The following CTNNA2 variants were observed in gnomAD, a reference collection of about 807,000 sequenced individuals.
The protein encoded by CTNNA2 is catenin alpha 2.
A neutral mutation model predicts 101.0 loss-of-function variants in CTNNA2; 42 were observed. That is an observed-to-expected ratio of 0.42 (90% confidence interval 0.32 to 0.54). CTNNA2 has a LOEUF of 0.54. CTNNA2 is among the 20% of genes least tolerant of loss of function. The pLI, the probability that CTNNA2 is intolerant of heterozygous loss-of-function variation, is 0.14. For missense variants in CTNNA2, 871 were observed against 1,223.1 expected (o/e 0.71, Z 4.29); for synonymous variants, 450 against 456.4 (o/e 0.99, Z 0.18).
chr2:80,326,146 G>C (rs946123741), intron 7 of CTNNA2, among the ~76,000 whole-genome samples: 4 of 152,176 alleles, frequency 2.6e-5, no homozygotes, highest in African/African-American at 9.7e-5. Context: ...CATTTGAAAG[G>C]GAATAAAGCA....
At chr2:79,496,291 T>A (rs1210059655) in intron 4 of CTNNA2, among the ~76,000 whole-genome samples, 1 of 152,194 alleles carries the variant, frequency 6.6e-6, no homozygotes, top group African/African-American at 2.4e-5. Context: ...ATTCTAACTT[T>A]TTAAATTAGT....
intron 7 of CTNNA2, among the ~76,000 whole-genome samples, chr2:80,323,993 C>T (rs1023498004): frequency 5.9e-5 from 9 of 152,224 alleles, no homozygotes; most frequent in Admixed American, 5.9e-4. Flanking sequence ...TTAAAGATTG[C>T]CCTTCAGTCA....
At chr2:79,609,480 G>A (rs1678124682) in intron 1 of CTNNA2, among the ~76,000 whole-genome samples, 1 of 151,936 alleles carries the variant, frequency 6.6e-6, no homozygotes, top group African/African-American at 2.4e-5. Flanking sequence ...CCAAGGATCC[G>A]GGAATGCAAA....
chr2:80,404,566 G>A (rs896758638), intron 8 of CTNNA2, among the ~76,000 whole-genome samples: 1 of 152,166 alleles, frequency 6.6e-6, no homozygotes, highest in African/African-American at 2.4e-5. Context: ...GAGGAGATGG[G>A]TAGGAGTTGG....
intron 4 of CTNNA2, among the ~76,000 whole-genome samples, chr2:79,869,174 A>G (rs997791420): frequency 6.6e-6 from 1 of 152,220 alleles, no homozygotes; most frequent in Admixed American, 6.5e-5. Context: ...AGCATGGCAC[A>G]TTGGTAGGGC....
At chr2:80,265,126 C>G (rs867074128) in intron 7 of CTNNA2, among the ~76,000 whole-genome samples, 2 of 152,046 alleles carry the variant, frequency 1.3e-5, no homozygotes, top group African/African-American at 2.4e-5. Flanking sequence ...AGGCGCCCAC[C>G]ACCACACCCA....
chr2:80,320,627 G>A (rs973215781), intron 7 of CTNNA2, among the ~76,000 whole-genome samples: 1 of 150,392 alleles, frequency 6.6e-6, no homozygotes, highest in Non-Finnish European at 1.5e-5. Context: ...TACTTGATTA[G>A]ACTTAGACTT....
chr2:79,520,867 A>G (rs989206927), intron 1 of CTNNA2, among the ~76,000 whole-genome samples: 1 of 152,024 alleles, frequency 6.6e-6, no homozygotes, highest in South Asian at 2.1e-4. Flanking sequence ...ATACTCATAC[A>G]TTGCTGGTGG....
chr2:80,240,603 C>T (rs563668362), intron 7 of CTNNA2, among the ~76,000 whole-genome samples: 10 of 152,078 alleles, frequency 6.6e-5, no homozygotes, highest in Non-Finnish European at 8.8e-5. Flanking sequence ...TTTCTCTTTC[C>T]TTCCCACACA....
intron 9 of CTNNA2, among the ~76,000 whole-genome samples, chr2:80,430,966 C>T (rs775747150): frequency 2.6e-5 from 4 of 151,988 alleles, no homozygotes; most frequent in Admixed American, 2.0e-4. Context: ...AGATCAGACA[C>T]CTTCAATGCA....
At chr2:80,482,344 C>T (rs74850811) in intron 9 of CTNNA2, among the ~76,000 whole-genome samples, 1 of 152,180 alleles carries the variant, frequency 6.6e-6, no homozygotes, top group East Asian at 1.9e-4. Flanking sequence ...TACAGGAGTA[C>T]AGTTCCTGGT....
chr2:80,377,700 T>C (rs2149343489), intron 7 of CTNNA2, among the ~76,000 whole-genome samples: 1 of 152,286 alleles, frequency 6.6e-6, no homozygotes, highest in Non-Finnish European at 1.5e-5. Context: ...CCACCCTAAG[T>C]CTTAGTGTCA....
intron 1 of CTNNA2, among the ~76,000 whole-genome samples, chr2:79,544,385 C>T (rs544117067): frequency 2.6e-5 from 4 of 152,214 alleles, no homozygotes; most frequent in South Asian, 2.1e-4. Context: ...ATGAACATGG[C>T]TTTCTTTTCT....
intron 7 of CTNNA2, among the ~76,000 whole-genome samples, chr2:80,241,911 C>CT (rs1670974436): frequency 6.6e-6 from 1 of 152,054 alleles, no homozygotes; most frequent in African/African-American, 2.4e-5. Context: ...CTCAAGACTC[C>CT]TTTTTTTCCA....
chr2:79,351,506 G>C, intron 3 of CTNNA2, among the ~76,000 whole-genome samples: 1 of 152,132 alleles, frequency 6.6e-6, no homozygotes, highest in East Asian at 1.9e-4. Flanking sequence ...ATGATGCTGA[G>C]ATTAGGAGTA....
At chr2:80,395,659 T>C (rs1677945145) in intron 8 of CTNNA2, among the ~76,000 whole-genome samples, 1 of 152,220 alleles carries the variant, frequency 6.6e-6, no homozygotes, top group South Asian at 2.1e-4. Flanking sequence ...TACCTGGGTC[T>C]CTGATAGCCC....
chr2:79,870,086 C>G, intron 5 of CTNNA2, 151 bp downstream of exon 5: 1 of 961,522 alleles, frequency 1.0e-6, no homozygotes, highest in South Asian at 1.6e-5. Flanking sequence ...CTGCAGGGGC[C>G]AGTTGTGATG....
intron 2 of CTNNA2, among the ~76,000 whole-genome samples, chr2:79,229,334 A>G (rs768747774): frequency 2.6e-5 from 4 of 152,120 alleles, no homozygotes; most frequent in South Asian, 2.1e-4. Context: ...AGTGGGAGGT[A>G]ATTGAATCAT....
intron 7 of CTNNA2, among the ~76,000 whole-genome samples, chr2:80,328,006 C>T (rs1670978953): frequency 6.6e-6 from 1 of 152,180 alleles, no homozygotes; most frequent in African/African-American, 2.4e-5. Context: ...GACTTATTAA[C>T]ATGGATGGCT....
Sources: gnomAD v4.1 joint callset for allele counts (sites outside exome capture counted in the v4.1 genomes callset) on GRCh38, gnomAD v4.1.1 for gene constraint, MANE v1.5 for transcripts, NCBI Gene and HGNC (gene_info 2026-07-23, HGNC 2026-07-21) for gene names.